The following EYA2 variants were observed in gnomAD, a reference collection of about 807,000 sequenced individuals.
EYA2 encodes EYA transcriptional coactivator and phosphatase 2, also known as protein phosphatase EYA2.
EYA2 carries 31 observed loss-of-function variants against 69.2 expected under a neutral mutation model. That is an observed-to-expected ratio of 0.45 (90% CI 0.34 to 0.60). The LOEUF (loss-of-function observed/expected upper bound fraction) is 0.60, where lower values mean the gene tolerates loss of function less well. Among genes scored for constraint, EYA2 ranks in the 20% least tolerant of loss-of-function variants. The probability of loss-of-function intolerance (pLI) is 0.02; values close to 1 mark genes in which losing one functional copy is unlikely to be tolerated. For missense variants in EYA2, 622 were observed against 701.2 expected (o/e 0.89, Z 1.28); for synonymous variants, 257 against 279.4 (o/e 0.92, Z 0.80).
chr20:47,118,679 T>C (rs1215461200), intron 9 of EYA2, among the ~76,000 whole-genome samples: 1 of 152,216 alleles, frequency 6.6e-6, no homozygotes. Context: ...AGAAAAGTGC[T>C]CATTAGCAGA....
intron 2 of EYA2, among the ~76,000 whole-genome samples, chr20:46,994,212 G>A (rs914582013): frequency 6.6e-5 from 10 of 152,110 alleles, no homozygotes; most frequent in African/African-American, 2.2e-4. Context: ...TCCTTACTGC[G>A]TTGTTGTGGA....
At chr20:46,944,708 G>A (rs920273928) in intron 1 of EYA2, among the ~76,000 whole-genome samples, 1 of 152,074 alleles carries the variant, frequency 6.6e-6, no homozygotes, top group Non-Finnish European at 1.5e-5. Flanking sequence ...CCTAATTCAT[G>A]CCCCTGCCTG....
chr20:46,946,714 T>C (rs1978480059), intron 1 of EYA2, among the ~76,000 whole-genome samples: 1 of 152,210 alleles, frequency 6.6e-6, no homozygotes, highest in African/African-American at 2.4e-5. Context: ...AATAAAACTT[T>C]ATATACAAAA....
intron 4 of EYA2, among the ~76,000 whole-genome samples, chr20:47,005,775 T>G (rs1209264417): frequency 6.6e-6 from 1 of 152,246 alleles, no homozygotes; most frequent in African/African-American, 2.4e-5. Context: ...AGCCCTTGAC[T>G]GTTCACATCT....
intron 12 of EYA2, among the ~76,000 whole-genome samples, chr20:47,173,269 G>A (rs6066222): frequency 0.39 from 58,686 of 151,610 alleles, 12,258 homozygotes; most frequent in Non-Finnish European, 0.48. Flanking sequence ...CTGCGCTGGG[G>A]CCCAGAATCT....
chr20:47,061,505 T>G (rs370097461), intron 5 of EYA2, among the ~76,000 whole-genome samples: 29 of 152,124 alleles, frequency 1.9e-4, no homozygotes, highest in African/African-American at 6.3e-4. Context: ...CACTCAGCCT[T>G]GGCGACAGAG....
At chr20:46,946,157 A>G (rs1158979157) in intron 1 of EYA2, among the ~76,000 whole-genome samples, 1 of 151,846 alleles carries the variant, frequency 6.6e-6, no homozygotes, top group Non-Finnish European at 1.5e-5. Flanking sequence ...TCTGGACCTC[A>G]CCCATTGGAT....
Position 47,179,866 on chromosome 20 carries a change from C to G in EYA2, c.1267C>G (p.Leu423Val), listed in dbSNP as rs138717634. 6.2e-7 allele frequency: 1 copy of G among 1,614,126 alleles called. No homozygotes were observed. The highest frequency in any genetic ancestry group is 8.5e-7 in the Non-Finnish European group (1 of 1,180,020). Residue 423 changes from leucine (L) to valine (V), a missense_variant, in exon 13 of 16, where the codon CTC (leucine) becomes GTC (valine). By Grantham distance (32) the Leu-to-Val change is conservative. Coordinates refer to ENST00000327619, the MANE Select transcript of EYA2 (RefSeq NM_005244.5). ...AGCTGAGCTGGAAGCTCTCACAGAC[C>G]TCTGGCTGACCCACTCCCTGAAGGC... is the stretch of plus-strand genomic sequence containing the variant. Reference protein sequence around the residue: ...LRAELEALTDLWLTHSLKALN... With the variant: ...LRAELEALTDVWLTHSLKALN...
chr20:47,091,740 A>G lies in EYA2; in HGVS notation c.804+2359A>G, dbSNP rs1041994860. ...AGCCTGGGCGACAAATTGAGAACCTATCTCAAAAAAAAGAAACCAGTTCTG... is the reference window on the plus strand; with the variant it reads ...AGCCTGGGCGACAAATTGAGAACCTGTCTCAAAAAAAAGAAACCAGTTCTG... On this transcript the variant is annotated intron_variant, in intron 8 of 15. Transcript: ENST00000327619. Among the ~76,000 whole-genome samples the G allele has an allele frequency of 1.3e-4, 20 of 152,260 alleles. No individual in the cohort carries two copies. The Middle Eastern group carries it at 0.017, about 129-fold the overall frequency.
chr20:47,081,551 C>T lies in EYA2; in HGVS notation c.661+7216C>T, dbSNP rs1038193069. 2.6e-5 allele frequency among the ~76,000 whole-genome samples: 4 copies of T among 151,798 alleles called. No individual in the cohort carries two copies. The South Asian group carries it at 6.2e-4, about 24-fold the overall frequency. On this transcript the variant is annotated intron_variant, in intron 7 of 15. Transcript: ENST00000327619. ...CCCAGCATTTTGGGAGGCACAGGCA[C>T]GTGGAGCACCTGAGGTCAGGAGTTC...
At chr20:47,172,645 C>T in intron 11 of EYA2, 62 bp from the exon 12 acceptor site, 1 of 1,522,108 alleles carries the variant, frequency 6.6e-7, no homozygotes, top group Non-Finnish European at 8.8e-7. Flanking sequence ...CCTGTGGTCT[C>T]CCAGGGAAGA....
intron 9 of EYA2, among the ~76,000 whole-genome samples, chr20:47,137,672 T>C (rs1215424053): frequency 2.6e-5 from 4 of 152,212 alleles, no homozygotes; most frequent in African/African-American, 7.2e-5. Context: ...ATGAAACTGA[T>C]GGCTTTTGTC....
At chr20:47,029,260 G>A (rs1004809400) in intron 5 of EYA2, among the ~76,000 whole-genome samples, 1 of 152,248 alleles carries the variant, frequency 6.6e-6, no homozygotes, top group Non-Finnish European at 1.5e-5. Context: ...GAAGAATAAT[G>A]ATGGCGTGGT....
At chr20:47,111,911 C>G (rs1256673592) in intron 9 of EYA2, among the ~76,000 whole-genome samples, 1 of 152,176 alleles carries the variant, frequency 6.6e-6, no homozygotes, top group Non-Finnish European at 1.5e-5. Flanking sequence ...GGGCAGATCA[C>G]TTGAGCCCAG....
chr20:47,182,000 A>G (rs950652452), intron 14 of EYA2, among the ~76,000 whole-genome samples: 1 of 151,832 alleles, frequency 6.6e-6, no homozygotes, highest in Admixed American at 6.6e-5. Flanking sequence ...ATAATGTAAA[A>G]TTTTCACCAT....
intron 9 of EYA2, chr20:47,117,652 A>G: frequency 1.0e-6 from 1 of 985,372 alleles, no homozygotes; most frequent in Non-Finnish European, 1.2e-6. Flanking sequence ...AATAAAAAGA[A>G]AAAGAAAAAG....
chr20:47,075,008 G>A (rs993992675), intron 7 of EYA2, among the ~76,000 whole-genome samples: 1 of 152,354 alleles, frequency 6.6e-6, no homozygotes, highest in Non-Finnish European at 1.5e-5. Flanking sequence ...CTACTAGGGC[G>A]GCTGAGGTAG....
chr20:47,093,571 G>A (rs992062556), intron 8 of EYA2, among the ~76,000 whole-genome samples: 2 of 152,114 alleles, frequency 1.3e-5, no homozygotes, highest in African/African-American at 4.8e-5. Context: ...CCCCTCTCTG[G>A]GCACCAGCGC....
chr20:47,036,615 G>T (rs1344004584), intron 5 of EYA2, among the ~76,000 whole-genome samples: 2 of 152,204 alleles, frequency 1.3e-5, no homozygotes, highest in Non-Finnish European at 2.9e-5. Flanking sequence ...GCATATAAGA[G>T]CATGTATTTT....
Sources: gnomAD v4.1 joint callset for allele counts (sites outside exome capture counted in the v4.1 genomes callset) on GRCh38, gnomAD v4.1.1 for gene constraint, MANE v1.5 for transcripts, NCBI Gene and HGNC (gene_info 2026-07-23, HGNC 2026-07-21) for gene names.